NTRK2: variants seen among roughly 807,000 people sequenced by gnomAD.
The protein encoded by NTRK2 is BDNF/NT-3 growth factors receptor.
NTRK2 carries 13 observed loss-of-function variants against 94.5 expected under a neutral mutation model. The observed-to-expected ratio is 0.14, with a 90% CI of 0.09 to 0.22. NTRK2 has a LOEUF of 0.22. NTRK2 is among the 10% of genes least tolerant of loss of function. The probability of loss-of-function intolerance (pLI) is 1.00; values close to 1 mark genes in which losing one functional copy is unlikely to be tolerated. For synonymous variants in NTRK2, 372 were observed against 407.4 expected (o/e 0.91, Z 1.05); for missense variants, 639 against 1,071.2 (o/e 0.60, Z 5.63).
intron 2 of NTRK2, among the ~76,000 whole-genome samples, chr9:84,693,025 T>G (rs563209327): frequency 9.8e-5 from 15 of 152,300 alleles, no homozygotes; most frequent in African/African-American, 3.6e-4. Context: ...CAGCTCGTGG[T>G]TGCCAGGAGG....
chr9:84,721,034 A>C (rs896596063), intron 6 of NTRK2, among the ~76,000 whole-genome samples: 4 of 152,278 alleles, frequency 2.6e-5, no homozygotes, highest in Middle Eastern at 3.4e-3. Context: ...ATATTGGCAC[A>C]TTTTTTTCCT....
At chr9:84,682,180 C>G (rs1361696097) in intron 2 of NTRK2, among the ~76,000 whole-genome samples, 1 of 152,142 alleles carries the variant, frequency 6.6e-6, no homozygotes, top group Non-Finnish European at 1.5e-5. Flanking sequence ...TGCCCAACAC[C>G]AATGCTGATT....
intron 14 of NTRK2, among the ~76,000 whole-genome samples, chr9:84,923,946 A>T (rs1284842706): frequency 6.6e-6 from 1 of 151,724 alleles, no homozygotes; most frequent in Non-Finnish European, 1.5e-5. Flanking sequence ...CAAACAAAAA[A>T]CTGTAGTGGC....
intron 17 of NTRK2, among the ~76,000 whole-genome samples, chr9:84,994,790 T>C (rs1564533906): frequency 6.6e-6 from 1 of 152,222 alleles, no homozygotes; most frequent in African/African-American, 2.4e-5. Flanking sequence ...GTGTTAGTTA[T>C]TACTGGCATT....
intron 12 of NTRK2, among the ~76,000 whole-genome samples, chr9:84,762,269 G>T (rs1467296951): frequency 6.6e-6 from 1 of 152,188 alleles, no homozygotes; most frequent in Non-Finnish European, 1.5e-5. Context: ...GCAAAGAGAG[G>T]CAGCCCTGCC....
intron 12 of NTRK2, among the ~76,000 whole-genome samples, chr9:84,754,126 G>A (rs181151259): frequency 3.9e-5 from 6 of 152,278 alleles, no homozygotes; most frequent in African/African-American, 1.2e-4. Flanking sequence ...AAGCGTCTAC[G>A]TTTTCTGAGT....
At position 84,812,644 on chromosome 9, in the gene NTRK2, T is replaced by C. The variant is rs115542896; in HGVS notation, c.1397-48396T>C. ...GGCAGGAGCTCAGTATGGCAAAGGTTCTTGAGAATCAGCCATTTGGTACAA... is the reference window on the plus strand; with the variant it reads ...GGCAGGAGCTCAGTATGGCAAAGGTCCTTGAGAATCAGCCATTTGGTACAA... On this transcript the variant is annotated intron_variant, in intron 12 of 18. Coordinates refer to ENST00000277120, the MANE Select transcript of NTRK2 (RefSeq NM_006180.6). 1.8e-3 allele frequency: 1,841 copies of C among 1,046,214 alleles called. 22 individuals carry two copies. In the African/African-American group the frequency reaches 0.029, roughly 16 times the overall value. 64.8% of individuals were successfully genotyped at this position (1,046,214 alleles called of 1,614,324 possible). A position where few individuals can be genotyped will look rare whatever the true frequency, so the allele number is the denominator to read the frequency against.
At chr9:84,679,868 T>G (rs528340632) in intron 2 of NTRK2, among the ~76,000 whole-genome samples, 8 of 152,194 alleles carry the variant, frequency 5.3e-5, no homozygotes, top group Non-Finnish European at 8.8e-5. Context: ...CCTGCCATCC[T>G]GGGTGACAGC....
intron 17 of NTRK2, among the ~76,000 whole-genome samples, chr9:84,962,095 A>G (rs1000086649): frequency 1.3e-5 from 2 of 152,130 alleles, no homozygotes; most frequent in African/African-American, 4.8e-5. Flanking sequence ...ATCCTTTGGC[A>G]GTGTGGAGCC....
At chr9:84,779,500 C>T (rs987221670) in intron 12 of NTRK2, among the ~76,000 whole-genome samples, 14 of 152,160 alleles carry the variant, frequency 9.2e-5, no homozygotes, top group Middle Eastern at 3.2e-3. Context: ...TAAAAGAGGG[C>T]TTTGTATTGT....
intron 2 of NTRK2, among the ~76,000 whole-genome samples, chr9:84,695,073 A>ACC (rs543227927): frequency 3.0e-5 from 4 of 133,908 alleles, no homozygotes; most frequent in East Asian, 4.5e-4. Context: ...AAAAAAAAAA[A>ACC]ACACACAACA....
chr9:84,948,385 A>G (rs1336422873), intron 15 of NTRK2, 77 bp from the exon 16 acceptor site: 14 of 1,452,334 alleles, frequency 9.6e-6, no homozygotes, highest in Admixed American at 5.3e-5. Context: ...TGCCTAACAA[A>G]TGAGATGGAT....
intron 12 of NTRK2, among the ~76,000 whole-genome samples, chr9:84,799,589 AT>A (rs11362644): frequency 0.65 from 97,763 of 149,398 alleles, 32,330 homozygotes; most frequent in Non-Finnish European, 0.72. Context: ...TAGGATGGGG[AT>A]TTTTTTTTTT....
chr9:84,851,375 G>T (rs765280476), intron 12 of NTRK2, among the ~76,000 whole-genome samples: 1 of 152,110 alleles, frequency 6.6e-6, no homozygotes, highest in Non-Finnish European at 1.5e-5. Flanking sequence ...TAGTTAATTC[G>T]TTTGACCAGC....
intron 12 of NTRK2, among the ~76,000 whole-genome samples, chr9:84,849,408 A>G (rs1014525063): frequency 6.6e-6 from 1 of 152,168 alleles, no homozygotes; most frequent in African/African-American, 2.4e-5. Context: ...GGGGGAGTCC[A>G]ATTATCTTCT....
chr9:84,948,777 AAGG>A (rs1317872351), intron 16 of NTRK2, 143 bp downstream of exon 16: 7 of 684,478 alleles, frequency 1.0e-5, no homozygotes, highest in African/African-American at 1.8e-5. Flanking sequence ...ATGCCAGAGA[AAGG>A]AGGAGAGAAA....
At chr9:84,703,377 T>C (rs892234942) in intron 4 of NTRK2, among the ~76,000 whole-genome samples, 5 of 152,162 alleles carry the variant, frequency 3.3e-5, no homozygotes, top group Admixed American at 3.3e-4. Context: ...AAAATAAGAG[T>C]GAGAGAGTTC....
At chr9:84,905,278 GTGT>G (rs2077038984) in intron 14 of NTRK2, among the ~76,000 whole-genome samples, 1 of 8,776 alleles carries the variant, frequency 1.1e-4, no homozygotes, top group Non-Finnish European at 3.2e-4. Context: ...TTTAGAGGGT[GTGT>G]GTGTGTGTGT....
intron 12 of NTRK2, among the ~76,000 whole-genome samples, chr9:84,780,920 T>A (rs970315126): frequency 6.6e-6 from 1 of 152,212 alleles, no homozygotes; most frequent in African/African-American, 2.4e-5. Context: ...TTTGTGATAT[T>A]TTCTTGGGAA....
Sources: gnomAD v4.1 joint callset for allele counts (sites outside exome capture counted in the v4.1 genomes callset) on GRCh38, gnomAD v4.1.1 for gene constraint, MANE v1.5 for transcripts, NCBI Gene and HGNC (gene_info 2026-07-23, HGNC 2026-07-21) for gene names.